The following LTBP2 variants were observed in gnomAD, a reference collection of about 807,000 sequenced individuals.
The protein encoded by LTBP2 is latent transforming growth factor beta binding protein 2.
A neutral mutation model predicts 210.6 loss-of-function variants in LTBP2; 103 were observed. The observed-to-expected ratio is 0.49, with a 90% CI of 0.42 to 0.58. The LOEUF is 0.58. Among genes scored for constraint, LTBP2 ranks in the 20% least tolerant of loss-of-function variants. The pLI, the probability that LTBP2 is intolerant of heterozygous loss-of-function variation, is 0.00. For synonymous variants in LTBP2, 1,007 were observed against 1,015.0 expected, an observed-to-expected ratio of 0.99 and a Z score of 0.15; for missense variants, 2,313 against 2,494.5, an observed-to-expected ratio of 0.93 and a Z score of 1.55.
At chr14:74,578,487 T>C (rs765054034) in intron 3 of LTBP2, among the ~76,000 whole-genome samples, 11 of 152,128 alleles carry the variant, frequency 7.2e-5, no homozygotes, top group Non-Finnish European at 1.3e-4. Flanking sequence ...TTAACCCCCC[T>C]GCCCCGGGCT....
chr14:74,508,192 A>G, intron 24 of LTBP2, 97 bp from the exon 25 acceptor site: 1 of 1,434,974 alleles, frequency 7.0e-7, no homozygotes, highest in Non-Finnish European at 9.6e-7. Flanking sequence ...CCCATAGGAG[A>G]GTCAGGGAGT....
intron 4 of LTBP2, among the ~76,000 whole-genome samples, chr14:74,555,228 T>A (rs1379177612): frequency 6.6e-6 from 1 of 151,720 alleles, no homozygotes; most frequent in Non-Finnish European, 1.5e-5. Context: ...CAGCGGGATA[T>A]GAGGGAAGCA....
chr14:74,550,473 A>C (rs2087637517), intron 7 of LTBP2, among the ~76,000 whole-genome samples: 1 of 152,126 alleles, frequency 6.6e-6, no homozygotes, highest in Non-Finnish European at 1.5e-5. Context: ...TAGTTTCTGG[A>C]AACTAAGCGG....
At chr14:74,528,848 G>A in intron 11 of LTBP2, 110 bp downstream of exon 11, 4 of 1,531,596 alleles carry the variant, frequency 2.6e-6, no homozygotes, top group Non-Finnish European at 3.5e-6. Context: ...AGCAGGCAGG[G>A]AAGGCTACTT....
intron 2 of LTBP2, among the ~76,000 whole-genome samples, chr14:74,589,553 CAG>C (rs2088252477): frequency 6.6e-6 from 1 of 152,192 alleles, no homozygotes. Context: ...AAAACCATGT[CAG>C]AGAATTGTAA....
At chr14:74,502,991 G>C in intron 33 of LTBP2, 57 bp from the exon 34 acceptor site, 1 of 1,596,706 alleles carries the variant, frequency 6.3e-7, no homozygotes, top group African/African-American at 1.3e-5. Context: ...GCTAAAGCCT[G>C]GCTGGCTTTG....
intron 1 of LTBP2, among the ~76,000 whole-genome samples, chr14:74,605,092 A>T (rs2088506049): frequency 6.6e-6 from 1 of 152,176 alleles, no homozygotes; most frequent in South Asian, 2.1e-4. Flanking sequence ...ACTAGAGGGT[A>T]AGAGGGGAGG....
intron 3 of LTBP2, among the ~76,000 whole-genome samples, chr14:74,561,315 C>T (rs1566639281): frequency 6.6e-6 from 1 of 151,444 alleles, no homozygotes; most frequent in African/African-American, 2.4e-5. Flanking sequence ...AAGTCTCCCT[C>T]TCAAAGAAAA....
rs558742251 is a variant in LTBP2, at chr14:74,586,116, C to A, written c.568G>T (p.Val190Phe). 6.3e-7 allele frequency: 1 copy of A among 1,592,288 alleles called. No homozygotes were observed. Among genetic ancestry groups the A allele is most frequent in the South Asian group, 1.1e-5 (1 of 87,792 alleles). The change falls in exon 3 of 36, where the codon GTT becomes TTT. Residue 190 changes from valine to phenylalanine, a missense_variant and splice_region_variant. Coordinates refer to ENST00000261978, the MANE Select transcript of LTBP2 (RefSeq NM_000428.3). The surrounding 1 kb of genome is among the most constrained non-coding windows in gnomAD (Gnocchi z 4.6). ...CGGTTCTGGCACGGCGGCTCGCAAA[C>A]GGCTGAGGACACAGGGAGAGAGGTG... is the stretch of plus-strand genomic sequence containing the variant. ...ANSTNHCIKP[V>F]CEPPCQNRGS...
chr14:74,520,123 A>G (rs994741419), intron 17 of LTBP2, among the ~76,000 whole-genome samples: 5 of 152,220 alleles, frequency 3.3e-5, no homozygotes, highest in African/African-American at 1.2e-4. Context: ...TGCTCCAGTC[A>G]TACTGCATTC....
chr14:74,508,256 C>T (rs1340682667), intron 24 of LTBP2, among the ~76,000 whole-genome samples, 161 bp from the exon 25 acceptor site: 1 of 150,682 alleles, frequency 6.6e-6, no homozygotes, highest in African/African-American at 2.5e-5. Flanking sequence ...GAGGTGGGCA[C>T]CGGGGTGGGG....
intron 34 of LTBP2, chr14:74,501,986 A>G (rs559672110): frequency 5.0e-4 from 160 of 322,628 alleles, no homozygotes; most frequent in Admixed American, 2.0e-3. Flanking sequence ...GTGGGGAACA[A>G]TTGGTAGCAG....
At chr14:74,513,674 G>A (rs1239477819) in intron 18 of LTBP2, among the ~76,000 whole-genome samples, 2 of 149,934 alleles carry the variant, frequency 1.3e-5, no homozygotes, top group Admixed American at 1.3e-4. Context: ...GTGGTGGTGG[G>A]CACCTGTAGT....
At chr14:74,511,127 A>G in intron 19 of LTBP2, 118 bp downstream of exon 19, 1 of 1,511,900 alleles carries the variant, frequency 6.6e-7, no homozygotes. Flanking sequence ...TAGATCATGG[A>G]GGACAACAGC....
chr14:74,585,331 G>A (rs1009945661), intron 3 of LTBP2, among the ~76,000 whole-genome samples: 9 of 152,362 alleles, frequency 5.9e-5, no homozygotes, highest in Non-Finnish European at 1.3e-4. Context: ...CAGAGGAGGA[G>A]GAGGTCAGGA....
rs749184554 is a variant in LTBP2 at position 74,603,708 on chromosome 14, G to A, written c.495-3C>T. The A allele has an allele frequency of 1.9e-6, 3 of 1,614,088 alleles. No homozygotes were observed. The highest frequency in any genetic ancestry group is 1.1e-5 in the South Asian group (1 of 91,082). On this transcript the variant is annotated splice_polypyrimidine_tract_variant and splice_region_variant and intron_variant, in intron 1 of 35. Transcript: ENST00000261978. ...ACTGTCCCCCGCAGACGTTCCTCCT[G>A]TGGGGTCACCAAAACAGAGTCAACA...
At chr14:74,517,516 G>A (rs181288310) in intron 17 of LTBP2, among the ~76,000 whole-genome samples, 9 of 152,188 alleles carry the variant, frequency 5.9e-5, no homozygotes, top group Non-Finnish European at 7.4e-5. Context: ...GATTACAGGT[G>A]CCCGCTACCA....
At chr14:74,559,819 G>C (rs2087771532) in intron 3 of LTBP2, 1 of 152,216 alleles carries the variant, frequency 6.6e-6, no homozygotes, top group African/African-American at 2.4e-5. Context: ...CCCCAGGCTG[G>C]TCCAAAGAAG....
Position 74,511,252 on chromosome 14 carries a change from G to A in LTBP2, c.3021C>T (p.Ser1007=), listed in dbSNP as rs1595244374. 6.2e-7 allele frequency: 1 copy of A among 1,613,850 alleles called. No homozygotes were observed. Among genetic ancestry groups the A allele is most frequent in the South Asian group, 1.1e-5 (1 of 91,074 alleles). Residue 1007 remains serine (S), a synonymous_variant, in exon 19 of 36, where the codon AGC becomes AGT. Transcript: ENST00000261978. ...CEEGYRGQSG[S]CVDVNECLTP... ...TTGGCCAGCAGCCCTCACCTACACA[G>A]CTCCCACTCTGGCCCCGGTAGCCCT...
Sources: allele counts gnomAD v4.1 joint callset (sites outside exome capture counted in the v4.1 genomes callset), GRCh38; gene constraint gnomAD v4.1.1; non-coding constraint Gnocchi (gnomAD v3.1); transcripts MANE v1.5; gene names NCBI Gene and HGNC (gene_info 2026-07-23, HGNC 2026-07-21).